The following ARHGEF9 variants were observed in gnomAD, a reference collection of about 807,000 sequenced individuals.
The protein encoded by ARHGEF9 is rho guanine nucleotide exchange factor 9.
In ARHGEF9, 2 loss-of-function variants were observed where a neutral mutation model predicts 41.3. The ratio of observed to expected loss-of-function variants is 0.05; its 90% CI spans 0.02 to 0.15. The LOEUF is 0.15. Ranked by LOEUF, ARHGEF9 falls within the 10% of genes least tolerant of loss-of-function variation. The pLI is 1.00. For missense variants in ARHGEF9, 225 were observed against 424.7 expected (o/e 0.53, Z 4.13); for synonymous variants, 160 against 154.4 (o/e 1.04, Z -0.27).
chrX:63,716,719 C>T (rs781865563), intron 2 of ARHGEF9, among the ~76,000 whole-genome samples: 51 of 111,725 alleles, frequency 4.6e-4, no homozygotes, highest in Non-Finnish European at 6.8e-4. Flanking sequence ...TGACAACAAA[C>T]CACCCTCTGT....
At chrX:63,657,341 C>G (rs1447760173) in intron 7 of ARHGEF9, 1 of 111,933 alleles carries the variant, frequency 8.9e-6, no homozygotes, top group East Asian at 2.8e-4. Context: ...CCTAACTCTT[C>G]ACATTGTGCG....
chrX:63,707,697 G>T (rs1556403581), intron 2 of ARHGEF9, among the ~76,000 whole-genome samples: 8 of 111,757 alleles, frequency 7.2e-5, no homozygotes, highest in Non-Finnish European at 1.5e-4. Flanking sequence ...ACACAATTTA[G>T]ATGCATCCCT....
At chrX:63,710,296 G>GAAAAA (rs75149222) in intron 2 of ARHGEF9, among the ~76,000 whole-genome samples, 1 of 22,722 alleles carries the variant, frequency 4.4e-5, no homozygotes, top group African/African-American at 1.6e-4. Context: ...CCACATGGGA[G>GAAAAA]AAAAAAAAAA....
intron 2 of ARHGEF9, among the ~76,000 whole-genome samples, chrX:63,709,810 C>G (rs185751846): frequency 6.3e-5 from 7 of 111,733 alleles, no homozygotes; most frequent in Non-Finnish European, 1.3e-4. Context: ...ATCCCATGCT[C>G]AAACATAGAA....
Position 63,706,462 on chromosome X carries a change from G to C in ARHGEF9, c.211-13C>G, listed in dbSNP as rs782275004. Reference sequence around the variant, plus strand: ...GGTTCACCCAGAGCTGTGGAAGCAGGCAAAAGAAAAATAATGAGTTAGCTT... The same window carrying C: ...GGTTCACCCAGAGCTGTGGAAGCAGCCAAAAGAAAAATAATGAGTTAGCTT... On this transcript the variant is annotated splice_polypyrimidine_tract_variant and intron_variant, in intron 2 of 9. Transcript: ENST00000671741. The C allele has an allele frequency of 8.4e-7, 1 of 1,196,462 alleles. No individual in the cohort carries two copies. The highest frequency in any genetic ancestry group is 1.8e-5 in the African/African-American group (1 of 56,599).
Position 63,785,187 on chromosome X carries a change from C to G in ARHGEF9, c.-42G>C, listed in dbSNP as rs1399592345. The G allele has an allele frequency of 8.7e-7, 1 of 1,153,943 alleles. No individual in the cohort carries two copies. Among genetic ancestry groups the G allele is most frequent in the South Asian group, 2.0e-5 (1 of 51,035 alleles). ...GGCTTCTCTGAGGCCCCGTAGCTGGCGCGAGTTGTCGCGGGCTGACTAGAA... is the reference window on the plus strand; with the variant it reads ...GGCTTCTCTGAGGCCCCGTAGCTGGGGCGAGTTGTCGCGGGCTGACTAGAA... On this transcript the variant is annotated 5_prime_UTR_variant, in exon 1 of 10. Coordinates refer to ENST00000671741, the MANE Select transcript of ARHGEF9 (RefSeq NM_001353921.2).
chrX:63,750,097 T>C (rs1758324857), intron 1 of ARHGEF9, among the ~76,000 whole-genome samples: 1 of 112,254 alleles, frequency 8.9e-6, no homozygotes, highest in African/African-American at 3.2e-5. Context: ...AGATGCCTTG[T>C]AGGAGGTCTT....
At chrX:63,673,839 C>A (rs1254094571) in intron 6 of ARHGEF9, among the ~76,000 whole-genome samples, 199 bp downstream of exon 6, 1 of 111,779 alleles carries the variant, frequency 8.9e-6, no homozygotes, top group African/African-American at 3.3e-5. Flanking sequence ...GGTATCATCA[C>A]AAAAATTTCT....
In ARHGEF9 at chrX:63,635,650, C is replaced by A. The variant is rs182557715; in HGVS notation, c.*2378G>T. ...CAGTGGGTTCAGTAGAGGAGAAGTG[C>A]GGGTTGAGAAGTAATATCCCTGATC... On this transcript the variant is annotated 3_prime_UTR_variant, in exon 10 of 10. Transcript: ENST00000671741. 3.4e-5 allele frequency: 11 copies of A among 325,746 alleles called. No individual in the cohort carries two copies. The highest frequency in any genetic ancestry group is 6.5e-5 in the Admixed American group (1 of 15,497). The allele number at this position is 325,746 out of a possible 1,213,427, so 26.8% of individuals were successfully genotyped here. A position where few individuals can be genotyped will look rare whatever the true frequency, so the allele number is the denominator to read the frequency against.
intron 2 of ARHGEF9, among the ~76,000 whole-genome samples, chrX:63,724,248 C>G (rs1289324627): frequency 9.0e-6 from 1 of 111,329 alleles, no homozygotes; most frequent in Non-Finnish European, 1.9e-5. Context: ...CAAGGCCAAC[C>G]CCAAAAGAGG....
intron 9 of ARHGEF9, chrX:63,642,666 T>C (rs1556307552): frequency 2.7e-5 from 3 of 111,718 alleles, no homozygotes; most frequent in Non-Finnish European, 5.6e-5. Context: ...AAAAAAATAG[T>C]GCTTTACATG....
intron 1 of ARHGEF9, chrX:63,767,093 G>A (rs782306117): frequency 4.6e-5 from 46 of 1,001,675 alleles, no homozygotes; most frequent in South Asian, 4.4e-4. Context: ...CTAAAGTTTA[G>A]GCATCTCTAG....
intron 7 of ARHGEF9, among the ~76,000 whole-genome samples, chrX:63,662,214 A>G (rs1450474725): frequency 8.9e-6 from 1 of 112,045 alleles, no homozygotes; most frequent in Non-Finnish European, 1.9e-5. Context: ...CAAGAAGGAA[A>G]AAGTCACTTG....
chrX:63,693,091 G>A (rs2051464770), intron 4 of ARHGEF9, among the ~76,000 whole-genome samples: 1 of 111,425 alleles, frequency 9.0e-6, no homozygotes, highest in Non-Finnish European at 1.9e-5. Flanking sequence ...AAGAGAGGTT[G>A]TTTAATGGGT....
At chrX:63,648,118 C>T (rs781964172) in intron 8 of ARHGEF9, among the ~76,000 whole-genome samples, 3 of 110,567 alleles carry the variant, frequency 2.7e-5, no homozygotes, top group East Asian at 2.9e-4. Context: ...AGATATTCCT[C>T]GAAAAGAGCA....
chrX:63,692,308 T>C (rs1556382318), intron 4 of ARHGEF9, among the ~76,000 whole-genome samples: 3 of 112,115 alleles, frequency 2.7e-5, no homozygotes, highest in Admixed American at 1.9e-4. Context: ...AAACTATCCA[T>C]CTGACAAAAC....
chrX:63,695,312 A>AC (rs2051661624), intron 4 of ARHGEF9, among the ~76,000 whole-genome samples: 2 of 112,069 alleles, frequency 1.8e-5, no homozygotes, highest in Admixed American at 1.9e-4. Context: ...TAAGGTACAT[A>AC]CATCTAGTCT....
At position 63,665,834 on chromosome X, in the gene ARHGEF9, C is replaced by T. The variant is rs55634627; in HGVS notation, c.1077+52G>A. On this transcript the variant is annotated intron_variant, in intron 7 of 9. Transcript: ENST00000671741. ...CCTGGGGATGATGAAGAGGAGGGTC[C>T]GGTACCCTGTTAGGTACCCATCTCC... 3.5e-3 allele frequency: 4,187 copies of T among 1,185,555 alleles called. 161 individuals carry two copies. In the Admixed American group the frequency reaches 0.087, roughly 25 times the overall value.
intron 1 of ARHGEF9, chrX:63,755,395 G>A (rs1480888441): frequency 3.8e-5 from 13 of 342,652 alleles, no homozygotes; most frequent in Admixed American, 3.8e-4. Context: ...GGGGCGGATA[G>A]AGGGGGTATA....
Sources: gnomAD v4.1 joint callset for allele counts (sites outside exome capture counted in the v4.1 genomes callset) on GRCh38, gnomAD v4.1.1 for gene constraint, MANE v1.5 for transcripts, NCBI Gene and HGNC (gene_info 2026-07-23, HGNC 2026-07-21) for gene names.